The following CTNNA2 variants were observed in gnomAD, a reference collection of about 807,000 sequenced individuals.
CTNNA2 encodes catenin alpha 2.
A neutral mutation model predicts 101.0 loss-of-function variants in CTNNA2; 42 were observed. The ratio of observed to expected loss-of-function variants is 0.42; its 90% CI spans 0.32 to 0.54. The LOEUF is 0.54. Among genes scored for constraint, CTNNA2 ranks in the 20% least tolerant of loss-of-function variants. CTNNA2 has a pLI of 0.14. For missense variants in CTNNA2, 871 were observed against 1,223.1 expected (o/e 0.71, Z 4.29); for synonymous variants, 450 against 456.4 (o/e 0.99, Z 0.18).
chr2:80,309,648 A>G (rs185102936), intron 7 of CTNNA2, among the ~76,000 whole-genome samples: 13 of 151,120 alleles, frequency 8.6e-5, no homozygotes, highest in African/African-American at 2.2e-4. Flanking sequence ...TGTAAACTCT[A>G]TAGAGTTTGT....
At chr2:79,489,022 C>G (rs1270977081) in intron 4 of CTNNA2, among the ~76,000 whole-genome samples, 1 of 152,120 alleles carries the variant, frequency 6.6e-6, no homozygotes, top group African/African-American at 2.4e-5. Context: ...TGACAGTTTT[C>G]TCATTCCCCA....
At chr2:79,744,617 T>C in intron 3 of CTNNA2, 35 bp downstream of exon 3, 1 of 1,539,332 alleles carries the variant, frequency 6.5e-7, no homozygotes, top group Admixed American at 2.0e-5. Context: ...AAGGCGGATC[T>C]ATACTGATGT....
At chr2:80,574,360 G>A in intron 13 of CTNNA2, 46 bp downstream of exon 13, 1 of 1,501,376 alleles carries the variant, frequency 6.7e-7, no homozygotes, top group Non-Finnish European at 9.0e-7. Flanking sequence ...TCTCCTAGTA[G>A]GAAACTAAAG....
At chr2:79,787,222 C>A (rs1353091821) in intron 3 of CTNNA2, among the ~76,000 whole-genome samples, 1 of 152,126 alleles carries the variant, frequency 6.6e-6, no homozygotes, top group African/African-American at 2.4e-5. Flanking sequence ...GTATTTACTT[C>A]ATTTGCTTTT....
intron 1 of CTNNA2, among the ~76,000 whole-genome samples, chr2:79,634,850 T>C (rs1679914129): frequency 6.6e-6 from 1 of 152,120 alleles, no homozygotes; most frequent in Non-Finnish European, 1.5e-5. Flanking sequence ...AGGTCTAGAG[T>C]TCACAAAGAC....
chr2:79,218,488 C>G (rs1674298996), intron 2 of CTNNA2, among the ~76,000 whole-genome samples: 1 of 151,978 alleles, frequency 6.6e-6, no homozygotes, highest in South Asian at 2.1e-4. Flanking sequence ...CAGCTTCCTT[C>G]ATTTCTGTAA....
At chr2:79,990,741 T>C (rs1472066381) in intron 7 of CTNNA2, among the ~76,000 whole-genome samples, 1 of 152,116 alleles carries the variant, frequency 6.6e-6, no homozygotes, top group Admixed American at 6.5e-5. Flanking sequence ...AAAATTCTCT[T>C]TTTTTGTTGT....
chr2:79,466,363 G>T (rs1159876280), intron 4 of CTNNA2, among the ~76,000 whole-genome samples: 4 of 152,204 alleles, frequency 2.6e-5, no homozygotes, highest in African/African-American at 9.6e-5. Flanking sequence ...GTTTGAGTAG[G>T]TAAACAAAGT....
Position 80,261,975 on chromosome 2 carries a change from G to GCAAAGC in CTNNA2, c.1057-131236_1057-131235insCAAAGC, listed in dbSNP as rs879675378. Among the ~76,000 whole-genome samples, 163 of 152,234 alleles carry GCAAAGC rather than the reference G, an allele frequency of 1.1e-3. 2 individuals are homozygous for GCAAAGC. The highest frequency in any genetic ancestry group is 4.4e-3 in the South Asian group (21 of 4,826). Reference sequence around the variant, plus strand: ...TGCAAAGCTGACTACTTGCTAGTCTGTTACTGTGTTGAAGTGTATTCTGTT... The same window carrying GCAAAGC: ...TGCAAAGCTGACTACTTGCTAGTCTGCAAAGCTTACTGTGTTGAAGTGTATTCTGTT... On this transcript the variant is annotated intron_variant, in intron 7 of 18. Transcript: ENST00000402739.
chr2:80,440,145 A>G (rs1008172588), intron 9 of CTNNA2, among the ~76,000 whole-genome samples: 3 of 152,208 alleles, frequency 2.0e-5, no homozygotes, highest in Non-Finnish European at 4.4e-5. Flanking sequence ...GTAGCATTTA[A>G]GCAAAGTCTG....
chr2:79,787,281 A>T (rs1386546047), intron 3 of CTNNA2, among the ~76,000 whole-genome samples: 1 of 152,164 alleles, frequency 6.6e-6, no homozygotes, highest in Non-Finnish European at 1.5e-5. Flanking sequence ...TAGCAACTTC[A>T]TAAAAAATCG....
At chr2:79,365,195 C>G (rs187361620) in intron 3 of CTNNA2, among the ~76,000 whole-genome samples, 45 of 151,934 alleles carry the variant, frequency 3.0e-4, no homozygotes, top group Middle Eastern at 6.8e-3. Flanking sequence ...GAGAATTGCT[C>G]GAACCCAGGA....
At chr2:79,467,725 A>G (rs1025322919) in intron 4 of CTNNA2, among the ~76,000 whole-genome samples, 4 of 152,202 alleles carry the variant, frequency 2.6e-5, no homozygotes, top group African/African-American at 9.7e-5. Context: ...CCAATATTCA[A>G]CATTCTTAAA....
intron 7 of CTNNA2, among the ~76,000 whole-genome samples, chr2:80,241,615 C>CTATG (rs766551811): frequency 3.3e-5 from 5 of 151,494 alleles, no homozygotes; most frequent in Non-Finnish European, 7.4e-5. Context: ...ATCTATCTAT[C>CTATG]TATCTATCTA....
chr2:79,654,493 G>A (rs575912724), intron 2 of CTNNA2, among the ~76,000 whole-genome samples: 22 of 152,134 alleles, frequency 1.4e-4, no homozygotes, highest in South Asian at 6.2e-4. Flanking sequence ...AGATCCCTCC[G>A]ATTTCAGCTT....
intron 3 of CTNNA2, among the ~76,000 whole-genome samples, chr2:79,363,919 A>G (rs1460919254): frequency 6.6e-6 from 1 of 152,240 alleles, no homozygotes; most frequent in Non-Finnish European, 1.5e-5. Context: ...ATTGAATGTT[A>G]CTGAGAAAGT....
intron 7 of CTNNA2, among the ~76,000 whole-genome samples, chr2:80,091,955 C>T (rs572874082): frequency 1.6e-3 from 241 of 152,178 alleles, no homozygotes; most frequent in African/African-American, 5.6e-3. Flanking sequence ...TAGACATACC[C>T]CATGTTTGTT....
intron 7 of CTNNA2, among the ~76,000 whole-genome samples, chr2:80,282,270 G>C: frequency 6.9e-6 from 1 of 145,194 alleles, no homozygotes; most frequent in African/African-American, 2.7e-5. Context: ...TTATTTATTT[G>C]CTGTTTTTTT....
At chr2:80,132,797 T>C (rs1016735250) in intron 7 of CTNNA2, among the ~76,000 whole-genome samples, 6 of 152,206 alleles carry the variant, frequency 3.9e-5, no homozygotes, top group Admixed American at 3.9e-4. Context: ...TGACATGTTC[T>C]ATAGAAAAAA....
Sources: allele counts gnomAD v4.1 joint callset (sites outside exome capture counted in the v4.1 genomes callset), GRCh38; gene constraint gnomAD v4.1.1; transcripts MANE v1.5; gene names NCBI Gene and HGNC (gene_info 2026-07-23, HGNC 2026-07-21).